The following MCPH1 variants were observed in gnomAD, a reference collection of about 807,000 sequenced individuals.
The protein encoded by MCPH1 is microcephalin.
A neutral mutation model predicts 84.5 loss-of-function variants in MCPH1; 104 were observed. The ratio of observed to expected loss-of-function variants is 1.23; its 90% CI spans 1.05 to 1.45. The LOEUF (loss-of-function observed/expected upper bound fraction) is 1.45. Ranked by LOEUF, MCPH1 falls within the 40% of genes most tolerant of loss-of-function variation. MCPH1 has a pLI of 0.00. For synonymous variants in MCPH1, 514 were observed against 366.8 expected (o/e 1.40, Z -4.58); for missense variants, 1,498 against 1,005.7 (o/e 1.49, Z -6.62).
chr8:6,491,845 A>G (rs937679785), intron 11 of MCPH1, among the ~76,000 whole-genome samples: 4 of 152,136 alleles, frequency 2.6e-5, no homozygotes, highest in African/African-American at 7.2e-5. Flanking sequence ...CATGGTGTAT[A>G]TGTGCCACAT....
At chr8:6,495,843 T>G (rs1009900285) in intron 11 of MCPH1, among the ~76,000 whole-genome samples, 1 of 152,212 alleles carries the variant, frequency 6.6e-6, no homozygotes, top group African/African-American at 2.4e-5. Context: ...TTGAACTGTT[T>G]GAAATCAACT....
chr8:6,484,944 T>C (rs1809687959), intron 11 of MCPH1, among the ~76,000 whole-genome samples: 1 of 152,256 alleles, frequency 6.6e-6, no homozygotes, highest in Non-Finnish European at 1.5e-5. Context: ...TTAGTGGCAA[T>C]GGTTACAGAA....
rs745328654 is a variant in MCPH1, at chr8:6,406,651, G to C, written c.-17G>C. 3 of 1,611,614 alleles carry C rather than the reference G, an allele frequency of 1.9e-6. No homozygotes were observed. The highest frequency in any genetic ancestry group is 2.5e-6 in the Non-Finnish European group (3 of 1,179,372). ...CAAGCACCGCGTAGGCCAGCTGGCC[G>C]GATCCCGCCGTCTGTCATGGCGGCC... On this transcript the variant is annotated 5_prime_UTR_variant, in exon 1 of 14. Coordinates refer to ENST00000344683, the MANE Select transcript of MCPH1 (RefSeq NM_024596.5).
intron 12 of MCPH1, chr8:6,562,572 G>GTTTTTAAAAAATGA: frequency 2.3e-5 from 1 of 42,834 alleles, no homozygotes; most frequent in Non-Finnish European, 4.8e-5. Flanking sequence ...TTTTTTTTTT[G>GTTTTTAAAAAATGA]GTTGTTAAAA....
At chr8:6,579,773 C>A (rs1827404940) in intron 12 of MCPH1, among the ~76,000 whole-genome samples, 1 of 152,180 alleles carries the variant, frequency 6.6e-6, no homozygotes, top group Admixed American at 6.5e-5. Flanking sequence ...CCAGAGGTCA[C>A]AGGAGGGGTT....
chr8:6,533,381 A>G (rs1216470360), intron 12 of MCPH1, among the ~76,000 whole-genome samples: 1 of 152,180 alleles, frequency 6.6e-6, no homozygotes, highest in Non-Finnish European at 1.5e-5. Flanking sequence ...TTGGGCTTGG[A>G]GCCAGGGAAG....
chr8:6,592,126 G>T (rs949011758), intron 12 of MCPH1, among the ~76,000 whole-genome samples: 15 of 152,026 alleles, frequency 9.9e-5, no homozygotes, highest in African/African-American at 3.1e-4. Flanking sequence ...ACTCAGCATT[G>T]CTCAATCTTA....
chr8:6,516,585 G>T (rs1816315898), intron 12 of MCPH1, among the ~76,000 whole-genome samples: 1 of 152,098 alleles, frequency 6.6e-6, no homozygotes. Flanking sequence ...TCAACAAAAT[G>T]GTCAGTGCTG....
chr8:6,618,171 C>T (rs943221982), intron 12 of MCPH1, among the ~76,000 whole-genome samples: 3 of 152,222 alleles, frequency 2.0e-5, no homozygotes, highest in Admixed American at 1.3e-4. Context: ...AGAATTTGTG[C>T]GTTTGAGGCT....
chr8:6,626,863 C>A (rs2129581615), intron 13 of MCPH1: 1 of 985,008 alleles, frequency 1.0e-6, no homozygotes, highest in Middle Eastern at 5.2e-4. Context: ...GCTGGCTTGG[C>A]CTTTCTCATA....
intron 13 of MCPH1, among the ~76,000 whole-genome samples, chr8:6,641,514 C>A (rs766394162): frequency 2.6e-5 from 4 of 152,138 alleles, no homozygotes; most frequent in Non-Finnish European, 5.9e-5. Flanking sequence ...GACTGAGGCA[C>A]AGGAAGATTG....
At chr8:6,420,982 G>T (rs1800110729) in intron 3 of MCPH1, among the ~76,000 whole-genome samples, 1 of 152,142 alleles carries the variant, frequency 6.6e-6, no homozygotes, top group South Asian at 2.1e-4. Flanking sequence ...GTCCCAGGCG[G>T]GCATGGAGGT....
intron 11 of MCPH1, among the ~76,000 whole-genome samples, chr8:6,486,499 T>C (rs1273607889): frequency 2.0e-5 from 3 of 152,188 alleles, no homozygotes; most frequent in Admixed American, 2.0e-4. Context: ...TTCTTCAGAA[T>C]TAGATGGTTG....
At position 6,643,055 on chromosome 8, in the gene MCPH1, A is replaced by C; in HGVS notation, c.*6A>C. ...ACTACCTATTGTCACAATGACAGTG[A>C]CCTCACTGGCCTGTGGTGACTGCAC... On this transcript the variant is annotated 3_prime_UTR_variant, in exon 14 of 14. Coordinates refer to ENST00000344683, the MANE Select transcript of MCPH1 (RefSeq NM_024596.5). 4 of 1,613,052 alleles carry C rather than the reference A, an allele frequency of 2.5e-6. No homozygotes were observed. The highest frequency in any genetic ancestry group is 3.4e-6 in the Non-Finnish European group (4 of 1,179,104).
intron 12 of MCPH1, among the ~76,000 whole-genome samples, chr8:6,538,935 C>G (rs1013237511): frequency 6.6e-6 from 1 of 152,164 alleles, no homozygotes; most frequent in Non-Finnish European, 1.5e-5. Context: ...GTTCTTGGTT[C>G]CCTGTCATGA....
chr8:6,437,496 T>G (rs890533248), intron 5 of MCPH1, among the ~76,000 whole-genome samples: 8 of 152,216 alleles, frequency 5.3e-5, no homozygotes, highest in Non-Finnish European at 1.2e-4. Flanking sequence ...CCCAAAGTGC[T>G]GGGATTACAG....
In MCPH1 at chr8:6,648,079, C is replaced by T. The variant is rs1798300461; in HGVS notation, c.*5030C>T. On this transcript the variant is annotated 3_prime_UTR_variant, in exon 14 of 14. Coordinates refer to ENST00000344683, the MANE Select transcript of MCPH1 (RefSeq NM_024596.5). The stretch of plus-strand genomic sequence containing the variant: ...CATCTGGTAGTTCATTTAAGGTCGG[C>T]CTTGGCTTTCAAGTTAAGGCCATGG... The T allele has an allele frequency of 6.6e-6, 1 of 152,172 alleles. No individual in the cohort carries two copies. The highest frequency in any genetic ancestry group is 2.4e-5 in the African/African-American group (1 of 41,418). The allele number at this position is 152,172 out of a possible 1,614,324, so 9.4% of individuals were successfully genotyped here.
chr8:6,556,656 C>T (rs756534970), intron 12 of MCPH1, among the ~76,000 whole-genome samples: 2 of 151,962 alleles, frequency 1.3e-5, no homozygotes, highest in Non-Finnish European at 2.9e-5. Flanking sequence ...CTTTGTTGCC[C>T]AGGCTGGAGC....
At chr8:6,629,081 T>C (rs963822520) in intron 13 of MCPH1, among the ~76,000 whole-genome samples, 1 of 152,252 alleles carries the variant, frequency 6.6e-6, no homozygotes, top group Non-Finnish European at 1.5e-5. Flanking sequence ...CATGATTGTA[T>C]CTGGAGCTAG....
Sources: gnomAD v4.1 joint callset for allele counts (sites outside exome capture counted in the v4.1 genomes callset) on GRCh38, gnomAD v4.1.1 for gene constraint, MANE v1.5 for transcripts, NCBI Gene and HGNC (gene_info 2026-07-23, HGNC 2026-07-21) for gene names.